The following CARMIL1 variants were observed in gnomAD, a reference collection of about 807,000 sequenced individuals.
The protein encoded by CARMIL1 is F-actin-uncapping protein LRRC16A.
Under a neutral mutation model 177.1 loss-of-function variants are expected in CARMIL1, and 90 were observed. That is an observed-to-expected ratio of 0.51 (90% CI 0.43 to 0.61). CARMIL1 has a LOEUF of 0.61. Among genes scored for constraint, CARMIL1 ranks in the 20% least tolerant of loss-of-function variants. CARMIL1 has a pLI of 0.00. For missense variants in CARMIL1, 1,380 were observed against 1,667.0 expected, an observed-to-expected ratio of 0.83 and a Z score of 3.00; for synonymous variants, 577 against 606.2, an observed-to-expected ratio of 0.95 and a Z score of 0.71.
chr6:25,494,839 T>C (rs139175396), intron 15 of CARMIL1, among the ~76,000 whole-genome samples: 7 of 152,344 alleles, frequency 4.6e-5, no homozygotes, highest in East Asian at 3.9e-4. Flanking sequence ...ACCTGGAGTT[T>C]CCTGATCAAG....
At chr6:25,516,972 T>G (rs753577583) in intron 21 of CARMIL1, among the ~76,000 whole-genome samples, 1 of 152,202 alleles carries the variant, frequency 6.6e-6, no homozygotes, top group Non-Finnish European at 1.5e-5. Flanking sequence ...ATGGAACTGG[T>G]TAGCATCTTT....
intron 2 of CARMIL1, among the ~76,000 whole-genome samples, chr6:25,330,811 T>TTTAGATGCTCCATTATGGACTTAGA: frequency 6.6e-6 from 1 of 152,076 alleles, no homozygotes; most frequent in South Asian, 2.1e-4. Flanking sequence ...AGAACCAGCT[T>TTTAGATGCTCCATTATGGACTTAGA]TTAGATGCTC....
intron 32 of CARMIL1, among the ~76,000 whole-genome samples, chr6:25,596,850 G>GAC (rs34651019): frequency 0.053 from 7,927 of 149,090 alleles, 496 homozygotes; most frequent in African/African-American, 0.15. Flanking sequence ...CAAACACACA[G>GAC]ACACACACAC....
In CARMIL1 at chr6:25,558,394, T is replaced by C. The variant is rs909621957; in HGVS notation, c.2742+1544T>C. Among the ~76,000 whole-genome samples, 7 of 152,286 alleles carry C rather than the reference T, an allele frequency of 4.6e-5. No homozygotes were observed. Among genetic ancestry groups the C allele is most frequent in the Middle Eastern group, 3.4e-3 (1 of 294 alleles). ...AAAGACTGGCTCACCTACTGTAACG[T>C]TGGTTTTAAACTGTGTAAACTTTGT... On this transcript the variant is annotated intron_variant, in intron 29 of 36. Transcript: ENST00000329474. This position sits in a 1 kb window ranked among gnomAD's most constrained non-coding sequence, Gnocchi z 4.1.
intron 2 of CARMIL1, among the ~76,000 whole-genome samples, chr6:25,328,584 T>A (rs1785327470): frequency 6.6e-6 from 1 of 152,192 alleles, no homozygotes; most frequent in South Asian, 2.1e-4. Context: ...TTTCTCTGAG[T>A]TCAGATGTCA....
At chr6:25,473,505 A>G (rs1278231437) in intron 11 of CARMIL1, among the ~76,000 whole-genome samples, 1 of 152,240 alleles carries the variant, frequency 6.6e-6, no homozygotes, top group East Asian at 1.9e-4. Flanking sequence ...TAAGAATAAG[A>G]AAATATATTT....
At chr6:25,382,258 T>C (rs215014) in intron 2 of CARMIL1, among the ~76,000 whole-genome samples, 133,002 of 152,076 alleles carry the variant, frequency 0.87, 58,509 homozygotes, top group African/African-American at 0.96. Context: ...TCACCACGTC[T>C]GGCTAATTTT....
In CARMIL1 at chr6:25,330,772, T is replaced by G. The variant is rs958252496; in HGVS notation, c.138+45863T>G. ...ACCCCCTCATTAGGTGAGATACTTT[T>G]TGGAAGTGCTGACCTTTTGCCATTT... On this transcript the variant is annotated intron_variant, in intron 2 of 36. Transcript: ENST00000329474. 5.9e-5 allele frequency among the ~76,000 whole-genome samples: 9 copies of G among 152,104 alleles called. No individual in the cohort carries two copies. In the East Asian group the frequency reaches 1.5e-3, roughly 26 times the overall value.
At chr6:25,474,467 C>T (rs1326446576) in intron 11 of CARMIL1, among the ~76,000 whole-genome samples, 1 of 152,060 alleles carries the variant, frequency 6.6e-6, no homozygotes, top group Non-Finnish European at 1.5e-5. Flanking sequence ...TTCAGTTTTT[C>T]TTTTTGTCCT....
intron 2 of CARMIL1, among the ~76,000 whole-genome samples, chr6:25,290,287 G>A (rs1781842498): frequency 6.6e-6 from 1 of 151,404 alleles, no homozygotes; most frequent in African/African-American, 2.4e-5. Context: ...GTAGAGATGG[G>A]TTTCACCACG....
At chr6:25,285,328 T>G (rs537916893) in intron 2 of CARMIL1, among the ~76,000 whole-genome samples, 76 of 152,202 alleles carry the variant, frequency 5.0e-4, no homozygotes, top group Non-Finnish European at 1.0e-3. Context: ...TTCTCAGATG[T>G]TATATATGAG....
intron 29 of CARMIL1, chr6:25,563,675 A>G (rs1232898480): frequency 2.0e-6 from 2 of 985,108 alleles, no homozygotes; most frequent in African/African-American, 3.5e-5. Context: ...TCCATCATAT[A>G]CCAGGTATTC....
At chr6:25,335,315 TATAAG>T (rs1436607189) in intron 2 of CARMIL1, among the ~76,000 whole-genome samples, 4 of 152,238 alleles carry the variant, frequency 2.6e-5, no homozygotes, top group Admixed American at 6.5e-5. Flanking sequence ...TTGATTTTGT[TATAAG>T]ATAAGGAATG....
intron 26 of CARMIL1, among the ~76,000 whole-genome samples, chr6:25,547,362 A>G (rs1047967849): frequency 2.0e-4 from 31 of 152,204 alleles, no homozygotes; most frequent in African/African-American, 7.0e-4. Context: ...CCAGACACAT[A>G]TAAAGAAGAA....
In CARMIL1 at chr6:25,619,732, CCTTTTTTT is replaced by C; in HGVS notation, c.*150_*157del. On this transcript the variant is annotated 3_prime_UTR_variant, in exon 37 of 37. Coordinates refer to ENST00000329474, the MANE Select transcript of CARMIL1 (RefSeq NM_017640.6). ...ATTTCGCCCCCACCCCCATCCCCTG[CCTTTTTTT>C]TTTTTTTTTTTTTTTTTTTTTGTAT... 1 of 350,072 alleles carries C rather than the reference CCTTTTTTT, an allele frequency of 2.9e-6. No individual in the cohort carries two copies. The allele number at this position is 350,072 out of a possible 1,614,324, so 21.7% of individuals were successfully genotyped here.
intron 13 of CARMIL1, among the ~76,000 whole-genome samples, chr6:25,491,257 T>C (rs1274729587): frequency 6.6e-6 from 1 of 152,150 alleles, no homozygotes; most frequent in Non-Finnish European, 1.5e-5. Flanking sequence ...GAGAAGTAAC[T>C]AAGGGTAGAA....
intron 24 of CARMIL1, among the ~76,000 whole-genome samples, chr6:25,530,691 A>G (rs1276806297): frequency 6.6e-6 from 1 of 152,060 alleles, no homozygotes; most frequent in African/African-American, 2.4e-5. Flanking sequence ...ATTCCTTATG[A>G]AAAAAAAGTT....
At chr6:25,301,939 C>A (rs997507701) in intron 2 of CARMIL1, among the ~76,000 whole-genome samples, 1 of 152,058 alleles carries the variant, frequency 6.6e-6, no homozygotes, top group African/African-American at 2.4e-5. Flanking sequence ...AGATGTGTTG[C>A]TTTGCCTCCA....
At chr6:25,495,345 G>C in intron 16 of CARMIL1, 130 bp downstream of exon 16, 1 of 549,026 alleles carries the variant, frequency 1.8e-6, no homozygotes, top group Non-Finnish European at 3.1e-6. Flanking sequence ...TTTTACTCTG[G>C]GGCAGAAAAA....
Sources: gnomAD v4.1 joint callset for allele counts (sites outside exome capture counted in the v4.1 genomes callset) on GRCh38, gnomAD v4.1.1 for gene constraint, Gnocchi (gnomAD v3.1) non-coding constraint, MANE v1.5 for transcripts, NCBI Gene and HGNC (gene_info 2026-07-23, HGNC 2026-07-21) for gene names.